Variants in PCDHA9 observed in about 807,000 individuals in gnomAD.
PCDHA9 encodes protocadherin alpha-9.
A neutral mutation model predicts 62.0 loss-of-function variants in PCDHA9; 62 were observed. That is an observed-to-expected ratio of 1.00 (90% CI 0.81 to 1.23). PCDHA9 has a LOEUF of 1.23. Among genes scored for constraint, PCDHA9 ranks in the 50% most tolerant of loss-of-function variants. The pLI is 0.00. For synonymous variants in PCDHA9, 557 were observed against 567.6 expected (o/e 0.98, Z 0.27); for missense variants, 1,205 against 1,249.8 (o/e 0.96, Z 0.54).
At chr5:140,997,840 A>G (rs2097788062) in intron 3 of PCDHA9, among the ~76,000 whole-genome samples, 2 of 152,216 alleles carry the variant, frequency 1.3e-5, no homozygotes, top group Non-Finnish European at 2.9e-5. Flanking sequence ...AATACAATAT[A>G]CATTCTTATA....
rs1554217734 is a variant in PCDHA9, at chr5:140,946,611, A to AATATATATATATATAT, written c.2395-32332_2395-32317dup. Among the ~76,000 whole-genome samples, 269 of 86,770 alleles carry AATATATATATATATAT rather than the reference A, an allele frequency of 3.1e-3. 3 individuals carry two copies. The highest frequency in any genetic ancestry group is 0.011 in the Middle Eastern group (2 of 186). 56.9% of individuals were successfully genotyped at this position (86,770 alleles called of 152,430 possible). A position where few individuals can be genotyped will look rare whatever the true frequency, so the allele number is the denominator to read the frequency against. On this transcript the variant is annotated intron_variant, in intron 1 of 3. Coordinates refer to ENST00000532602, the MANE Select transcript of PCDHA9 (RefSeq NM_031857.2). ...GGATGAATAGATAAAGAAAATGTGAAATATATATATATATATATATACAAT... is the reference window on the plus strand; with the variant it reads ...GGATGAATAGATAAAGAAAATGTGAAATATATATATATATATATATATATATATATATATATACAAT...
At position 141,009,806 on chromosome 5, in the gene PCDHA9, A is replaced by G. The variant is rs781853535; in HGVS notation, c.2722A>G (p.Ile908Val). 18 of 1,614,018 alleles carry G rather than the reference A, an allele frequency of 1.1e-5. No individual in the cohort carries two copies. Among genetic ancestry groups the G allele is most frequent in the Non-Finnish European group, 1.5e-5 (18 of 1,180,028 alleles). ...SIRQEPTNSQ[I>V]DKSDFITFGK... is the part of the protein sequence containing the mutation. ...CCGGCAGGAGCCTACTAACAGCCAA[A>G]TTGACAAAAGTGACTTCATAACCTT... The change falls in exon 4 of 4, where the codon ATT becomes GTT. Residue 908 changes from isoleucine (I) to valine (V), a missense_variant. Physicochemically the swap from Ile to Val is conservative, Grantham distance 29 (BLOSUM62 3). Coordinates refer to ENST00000532602, the MANE Select transcript of PCDHA9 (RefSeq NM_031857.2).
intron 1 of PCDHA9, chr5:140,870,089 T>A (rs782364525): frequency 6.2e-7 from 1 of 1,613,914 alleles, no homozygotes; most frequent in Admixed American, 1.7e-5. Flanking sequence ...ACTCCCCCAA[T>A]GGCAGGTCAC....
chr5:140,924,942 GT>G (rs1180985667), intron 1 of PCDHA9, among the ~76,000 whole-genome samples: 3 of 120,862 alleles, frequency 2.5e-5, no homozygotes, highest in African/African-American at 8.7e-5. Context: ...AAAATAAAAA[GT>G]TAAAAAAAAA....
rs781928314 is a variant in PCDHA9 at position 140,876,618 on chromosome 5, T to A, written c.2394+25729T>A. On this transcript the variant is annotated intron_variant, in intron 1 of 3. Coordinates refer to ENST00000532602, the MANE Select transcript of PCDHA9 (RefSeq NM_031857.2). ...TGTCGGATCGTGACTCTGGAGCCAA[T>A]GGACAGGTCATCTGCTCACTGACAC... is the stretch of plus-strand genomic sequence containing the variant. 3.7e-6 allele frequency: 6 copies of A among 1,614,074 alleles called. No homozygotes were observed. The South Asian group carries it at 4.4e-5, about 12-fold the overall frequency.
chr5:140,901,681 T>C (rs144868677), intron 1 of PCDHA9, among the ~76,000 whole-genome samples: 8 of 152,316 alleles, frequency 5.3e-5, no homozygotes, highest in African/African-American at 1.7e-4. Context: ...TTAGGTATTA[T>C]GGGTATTTTG....
At chr5:140,963,159 C>T (rs971538193) in intron 1 of PCDHA9, among the ~76,000 whole-genome samples, 14 of 151,752 alleles carry the variant, frequency 9.2e-5, no homozygotes, top group Non-Finnish European at 1.9e-4. Flanking sequence ...AAAAATGACA[C>T]ATGCCATCTT....
chr5:141,004,414 C>A (rs2153980954), intron 3 of PCDHA9, among the ~76,000 whole-genome samples: 1 of 152,330 alleles, frequency 6.6e-6, no homozygotes, highest in Non-Finnish European at 1.5e-5. Context: ...CTGACTAGAT[C>A]TCTGCCTCCT....
chr5:140,967,495 C>G, intron 1 of PCDHA9: 1 of 1,613,306 alleles, frequency 6.2e-7, no homozygotes. Flanking sequence ...CGGCACAGAT[C>G]TCTGTGCGTG....
intron 1 of PCDHA9, among the ~76,000 whole-genome samples, chr5:140,891,271 G>A (rs782182381): frequency 7.9e-5 from 12 of 151,678 alleles, no homozygotes; most frequent in South Asian, 4.2e-4. Flanking sequence ...TAATTTTTCC[G>A]TAAGTTATTG....
At chr5:140,976,585 C>A (rs1415996919) in intron 1 of PCDHA9, among the ~76,000 whole-genome samples, 1 of 152,064 alleles carries the variant, frequency 6.6e-6, no homozygotes, top group African/African-American at 2.4e-5. Flanking sequence ...AAAACACAGA[C>A]TTTTGTGTTA....
chr5:140,954,284 C>G (rs1719232084), intron 1 of PCDHA9, among the ~76,000 whole-genome samples: 1 of 152,158 alleles, frequency 6.6e-6, no homozygotes, highest in South Asian at 2.1e-4. Context: ...ATTTATATTC[C>G]TTTGGGTACA....
rs1305370888 is a variant in PCDHA9, at chr5:140,852,030, T to C, written c.2394+1141T>C. 9.7e-5 allele frequency: 91 copies of C among 938,230 alleles called. 9 individuals are homozygous for C. The highest frequency in any genetic ancestry group is 9.0e-5 in the Non-Finnish European group (70 of 773,886). The allele number at this position is 938,230 out of a possible 1,614,324, so 58.1% of individuals were successfully genotyped here. A position where few individuals can be genotyped will look rare whatever the true frequency, so the allele number is the denominator to read the frequency against. On this transcript the variant is annotated intron_variant, in intron 1 of 3. Coordinates refer to ENST00000532602, the MANE Select transcript of PCDHA9 (RefSeq NM_031857.2). ...TTTATAGTTTTAAAAACTTCGCTTATTGAGTTTTTGTTATGTGGTTTATAT... is the reference window on the plus strand; with the variant it reads ...TTTATAGTTTTAAAAACTTCGCTTACTGAGTTTTTGTTATGTGGTTTATAT...
intron 1 of PCDHA9, chr5:140,878,248 C>A (rs1449904760): frequency 6.5e-6 from 1 of 154,860 alleles, no homozygotes; most frequent in African/African-American, 2.4e-5. Flanking sequence ...TTAACTCTTC[C>A]TCACGTGCTT....
intron 1 of PCDHA9, chr5:140,875,653 C>G (rs1554167829): frequency 1.2e-6 from 2 of 1,613,682 alleles, no homozygotes; most frequent in Non-Finnish European, 8.5e-7. Context: ...GGAGCTGGTG[C>G]CGCGCCTGTT....
At position 140,877,378 on chromosome 5, in the gene PCDHA9, A is replaced by G; in HGVS notation, c.2394+26489A>G. 2 of 1,613,974 alleles carry G rather than the reference A, an allele frequency of 1.2e-6. No individual in the cohort carries two copies. Among genetic ancestry groups the G allele is most frequent in the South Asian group, 1.1e-5 (1 of 91,086 alleles). On this transcript the variant is annotated intron_variant, in intron 1 of 3. Transcript: ENST00000532602. ...CACTGGCGAGATCAGCACGACACGC[A>G]TCCTGGATGAGGCGGACGCTCCGCG...
chr5:140,858,550 C>T, intron 1 of PCDHA9: 1 of 1,392,416 alleles, frequency 7.2e-7, no homozygotes. Context: ...TCCATTTATG[C>T]TTGAATATTT....
At chr5:140,990,668 G>A (rs1554251661) in intron 3 of PCDHA9, among the ~76,000 whole-genome samples, 1 of 152,178 alleles carries the variant, frequency 6.6e-6, no homozygotes, top group African/African-American at 2.4e-5. Flanking sequence ...TACATTAGAT[G>A]CACACCAAGC....
chr5:141,011,190 T>C lies in PCDHA9; in HGVS notation c.*1253T>C, dbSNP rs1321258440. On this transcript the variant is annotated 3_prime_UTR_variant, in exon 4 of 4. Coordinates refer to ENST00000532602, the MANE Select transcript of PCDHA9 (RefSeq NM_031857.2). Reference sequence around the variant, plus strand: ...AAGACCCAAAAATTGAAGAAAAATATTGTTTTCTCATACAGTGAGCAGATT... The same window carrying C: ...AAGACCCAAAAATTGAAGAAAAATACTGTTTTCTCATACAGTGAGCAGATT... The C allele has an allele frequency of 1.3e-5, 2 of 153,748 alleles. No individual in the cohort carries two copies. The highest frequency in any genetic ancestry group is 1.9e-4 in the East Asian group (1 of 5,200). The allele number at this position is 153,748 out of a possible 1,614,324, so 9.5% of individuals were successfully genotyped here. A position where few individuals can be genotyped will look rare whatever the true frequency, so the allele number is the denominator to read the frequency against.
Sources: allele counts gnomAD v4.1 joint callset (sites outside exome capture counted in the v4.1 genomes callset), GRCh38; gene constraint gnomAD v4.1.1; transcripts MANE v1.5; gene names NCBI Gene and HGNC (gene_info 2026-07-23, HGNC 2026-07-21).